The following PARD3B variants were observed in gnomAD, a reference collection of about 807,000 sequenced individuals.
PARD3B encodes the protein partitioning defective 3 homolog B.
Under a neutral mutation model 130.2 loss-of-function variants are expected in PARD3B, and 103 were observed. That is an observed-to-expected ratio of 0.79 (90% CI 0.67 to 0.93). The LOEUF (loss-of-function observed/expected upper bound fraction) is 0.93, where lower values mean the gene tolerates loss of function less well. Among genes scored for constraint, PARD3B ranks in the 40% least tolerant of loss-of-function variants. The pLI, the probability that PARD3B is intolerant of heterozygous loss-of-function variation, is 0.00. For synonymous variants in PARD3B, 583 were observed against 553.2 expected, an observed-to-expected ratio of 1.05 and a Z score of -0.76; for missense variants, 1,609 against 1,499.2, an observed-to-expected ratio of 1.07 and a Z score of -1.21.
intron 2 of PARD3B, among the ~76,000 whole-genome samples, chr2:204,819,233 T>C (rs1458987025): frequency 6.6e-6 from 1 of 152,252 alleles, no homozygotes; most frequent in East Asian, 1.9e-4. Flanking sequence ...GTCAGTGCCA[T>C]TTGTCCAACA....
At chr2:205,064,165 A>G (rs1700222216) in intron 4 of PARD3B, among the ~76,000 whole-genome samples, 2 of 152,238 alleles carry the variant, frequency 1.3e-5, no homozygotes, top group African/African-American at 2.4e-5. Flanking sequence ...AATACAATTT[A>G]AAATGGTTCA....
In PARD3B at chr2:205,525,329, T is replaced by C. The variant is rs570358313; in HGVS notation, c.3180+25298T>C. 4.3e-4 allele frequency among the ~76,000 whole-genome samples: 66 copies of C among 152,320 alleles called. No individual in the cohort carries two copies. The highest frequency in any genetic ancestry group is 1.5e-3 in the African/African-American group (64 of 41,564). On this transcript the variant is annotated intron_variant, in intron 21 of 22. Coordinates refer to ENST00000406610, the MANE Select transcript of PARD3B (RefSeq NM_001302769.2). The surrounding 1 kb of genome is among the most constrained non-coding windows in gnomAD (Gnocchi z 4.2). ...ACAAAGCTGGTTTTCTAGTCACATGTCACCATAACTTCAGTAGGGCTAAGC... is the reference window on the plus strand; with the variant it reads ...ACAAAGCTGGTTTTCTAGTCACATGCCACCATAACTTCAGTAGGGCTAAGC...
At position 204,602,980 on chromosome 2, in the gene PARD3B, T is replaced by A. The variant is rs1200138615; in HGVS notation, c.120+56861T>A. ...TTTGAATCAAGCTGTAGAATCAGAA[T>A]AATTGAAATAAACCCCTTGTTACTT... is the stretch of plus-strand genomic sequence containing the variant. On this transcript the variant is annotated intron_variant, in intron 1 of 22. Coordinates refer to ENST00000406610, the MANE Select transcript of PARD3B (RefSeq NM_001302769.2). 3.3e-5 allele frequency among the ~76,000 whole-genome samples: 5 copies of A among 152,120 alleles called. No individual in the cohort carries two copies. In the East Asian group the frequency reaches 7.7e-4, roughly 23 times the overall value.
At chr2:205,155,437 G>A (rs1375764014) in intron 10 of PARD3B, among the ~76,000 whole-genome samples, 1 of 152,016 alleles carries the variant, frequency 6.6e-6, no homozygotes, top group Non-Finnish European at 1.5e-5. Context: ...TTAAAAATAA[G>A]TACTTCAGTT....
intron 15 of PARD3B, among the ~76,000 whole-genome samples, chr2:205,225,401 G>A (rs2125882118): frequency 6.6e-6 from 1 of 152,078 alleles, no homozygotes; most frequent in South Asian, 2.1e-4. Flanking sequence ...CCATTTTTAT[G>A]TCTTGAGAAA....
intron 22 of PARD3B, among the ~76,000 whole-genome samples, chr2:205,612,291 T>A: frequency 6.6e-6 from 1 of 152,118 alleles, no homozygotes; most frequent in Non-Finnish European, 1.5e-5. Context: ...TAGCTGGGAT[T>A]ATAGGCATGC....
At chr2:204,771,192 T>G (rs2041360042) in intron 2 of PARD3B, among the ~76,000 whole-genome samples, 1 of 152,078 alleles carries the variant, frequency 6.6e-6, no homozygotes, top group African/African-American at 2.4e-5. Flanking sequence ...TTTTTTTTCT[T>G]CTTCCATTTC....
intron 18 of PARD3B, chr2:205,348,316 T>C (rs2043869100): frequency 6.6e-6 from 1 of 152,254 alleles, no homozygotes; most frequent in Non-Finnish European, 1.5e-5. Context: ...CAATTAGAGA[T>C]GATCTTGACA....
intron 16 of PARD3B, among the ~76,000 whole-genome samples, chr2:205,283,363 C>T (rs1300766055): frequency 6.6e-6 from 1 of 152,138 alleles, no homozygotes; most frequent in Non-Finnish European, 1.5e-5. Context: ...GGCTCAACTG[C>T]AGCCTCAATC....
At chr2:205,210,745 A>T (rs1046430965) in intron 15 of PARD3B, among the ~76,000 whole-genome samples, 3 of 151,974 alleles carry the variant, frequency 2.0e-5, no homozygotes, top group African/African-American at 7.2e-5. Context: ...TGCCAGTGTT[A>T]TAGGCTTAAA....
At chr2:205,338,941 G>A (rs573666010) in intron 18 of PARD3B, among the ~76,000 whole-genome samples, 2 of 152,292 alleles carry the variant, frequency 1.3e-5, no homozygotes, top group Admixed American at 6.5e-5. Flanking sequence ...CCAGAGATTG[G>A]TGGGGGAAGG....
At chr2:204,841,274 T>G (rs527320030) in intron 2 of PARD3B, among the ~76,000 whole-genome samples, 1 of 152,118 alleles carries the variant, frequency 6.6e-6, no homozygotes, top group Non-Finnish European at 1.5e-5. Context: ...TGGAAAATTA[T>G]AGCCTCAAGG....
rs3077792 is a variant in PARD3B, at chr2:205,460,393, GTGATGA to G, written c.3044+19759_3044+19764del. Among the ~76,000 whole-genome samples, 2,640 of 147,976 alleles carry G rather than the reference GTGATGA, an allele frequency of 0.018. 63 individuals are homozygous for G. The highest frequency in any genetic ancestry group is 0.056 in the African/African-American group (2,254 of 40,382). On this transcript the variant is annotated intron_variant, in intron 20 of 22. Coordinates refer to ENST00000406610, the MANE Select transcript of PARD3B (RefSeq NM_001302769.2). This position sits in a 1 kb window ranked among gnomAD's most constrained non-coding sequence, Gnocchi z 4.9. The stretch of plus-strand genomic sequence containing the variant: ...ATTATCAAGACTAAGGATGTTGATA[GTGATGA>G]TGATGATGATGATGATGATGATGAT...
At chr2:205,320,900 GCCATA>G (rs1408502074) in intron 18 of PARD3B, among the ~76,000 whole-genome samples, 1 of 152,032 alleles carries the variant, frequency 6.6e-6, no homozygotes, top group Non-Finnish European at 1.5e-5. Flanking sequence ...GCCTCTTTTG[GCCATA>G]CCATTTCTGG....
intron 13 of PARD3B, among the ~76,000 whole-genome samples, chr2:205,181,934 A>C (rs151147960): frequency 6.6e-6 from 1 of 152,326 alleles, no homozygotes; most frequent in African/African-American, 2.4e-5. Context: ...CAAGGGCTTA[A>C]CAAAGGTGTC....
intron 2 of PARD3B, among the ~76,000 whole-genome samples, chr2:204,879,800 T>C (rs995021531): frequency 7.2e-5 from 11 of 152,238 alleles, no homozygotes; most frequent in African/African-American, 2.7e-4. Context: ...AGCCAAATTG[T>C]GTACTTACAT....
rs139620758 is a variant in PARD3B at position 205,388,103 on chromosome 2, A to G, written c.2631-12910A>G. 5.3e-5 allele frequency among the ~76,000 whole-genome samples: 8 copies of G among 152,328 alleles called. No individual in the cohort carries two copies. The East Asian group carries it at 1.5e-3, about 29-fold the overall frequency. ...CATTTCTTTTAAAGGTATGCTCACC[A>G]GAGACCCCATCTGGAATGTTCCACT... On this transcript the variant is annotated intron_variant, in intron 18 of 22. Coordinates refer to ENST00000406610, the MANE Select transcript of PARD3B (RefSeq NM_001302769.2).
At chr2:204,584,452 T>C (rs902320139) in intron 1 of PARD3B, among the ~76,000 whole-genome samples, 5 of 152,164 alleles carry the variant, frequency 3.3e-5, no homozygotes, top group African/African-American at 1.2e-4. Context: ...AATAAGCTCA[T>C]TTCTGAAAAA....
intron 10 of PARD3B, among the ~76,000 whole-genome samples, chr2:205,131,213 C>A (rs965370395): frequency 6.6e-6 from 1 of 152,084 alleles, no homozygotes; most frequent in South Asian, 2.1e-4. Context: ...GGATAAGTAG[C>A]AGAAATTGAA....
Sources: allele counts gnomAD v4.1 joint callset (sites outside exome capture counted in the v4.1 genomes callset), GRCh38; gene constraint gnomAD v4.1.1; non-coding constraint Gnocchi (gnomAD v3.1); transcripts MANE v1.5; gene names NCBI Gene and HGNC (gene_info 2026-07-23, HGNC 2026-07-21).